The following SYK variants were observed in gnomAD, a reference collection of about 807,000 sequenced individuals.
SYK encodes spleen associated tyrosine kinase.
SYK carries 16 observed loss-of-function variants against 77.8 expected under a neutral mutation model. The observed-to-expected ratio is 0.21, with a 90% CI of 0.14 to 0.31. SYK has a LOEUF of 0.31. SYK is among the 10% of genes least tolerant of loss of function. SYK has a pLI of 1.00. For missense variants in SYK, 529 were observed against 814.4 expected, an observed-to-expected ratio of 0.65 and a Z score of 4.26; for synonymous variants, 312 against 308.7, an observed-to-expected ratio of 1.01 and a Z score of -0.11.
At chr9:90,813,800 A>G (rs1203734021) in intron 1 of SYK, among the ~76,000 whole-genome samples, 1 of 152,204 alleles carries the variant, frequency 6.6e-6, no homozygotes, top group Non-Finnish European at 1.5e-5. Context: ...GCCCAACAGT[A>G]TCATAAGCAA....
At chr9:90,885,745 TAAAGTC>T (rs2118956171) in intron 11 of SYK, among the ~76,000 whole-genome samples, 1 of 152,220 alleles carries the variant, frequency 6.6e-6, no homozygotes, top group African/African-American at 2.4e-5. Context: ...TCAAACCACT[TAAAGTC>T]AAAGCAAAAG....
intron 1 of SYK, among the ~76,000 whole-genome samples, chr9:90,834,604 A>G (rs1205686071): frequency 6.6e-6 from 1 of 152,200 alleles, no homozygotes; most frequent in East Asian, 1.9e-4. Flanking sequence ...TAAATAGGGG[A>G]ATATTTGTTC....
At position 90,898,118 on chromosome 9, in the gene SYK, C is replaced by G. The variant is rs201616726; in HGVS notation, c.*2518C>G. On this transcript the variant is annotated 3_prime_UTR_variant, in exon 14 of 14. Transcript: ENST00000375754. ...GTAAGGTGCCTTTTACCTTATGGTC[C>G]TTCTTTAGCAGGTAACAAAGGAGCA... The G allele has an allele frequency of 4.4e-6, 1 of 228,668 alleles. No individual in the cohort carries two copies. The highest frequency in any genetic ancestry group is 8.7e-6 in the Non-Finnish European group (1 of 115,364). 14.2% of individuals were successfully genotyped at this position (228,668 alleles called of 1,614,324 possible).
chr9:90,834,191 C>A (rs1404664919), intron 1 of SYK, among the ~76,000 whole-genome samples: 3 of 152,112 alleles, frequency 2.0e-5, no homozygotes, highest in Admixed American at 2.0e-4. Flanking sequence ...GCCTCATGCA[C>A]ACACATGTGT....
chr9:90,837,388 A>C (rs1484328221), intron 1 of SYK, among the ~76,000 whole-genome samples: 1 of 152,102 alleles, frequency 6.6e-6, no homozygotes. Context: ...TGAGAAGTTA[A>C]CTATGTGCGG....
At chr9:90,811,471 A>G (rs1344279566) in intron 1 of SYK, among the ~76,000 whole-genome samples, 1 of 152,208 alleles carries the variant, frequency 6.6e-6, no homozygotes, top group African/African-American at 2.4e-5. Flanking sequence ...AATAGCAAAA[A>G]AAAATCACTA....
chr9:90,848,288 G>C (rs997314162), intron 3 of SYK, among the ~76,000 whole-genome samples: 5 of 152,186 alleles, frequency 3.3e-5, no homozygotes, highest in Non-Finnish European at 7.3e-5. Flanking sequence ...GAGCTAAAAG[G>C]CTCCAGGGAA....
At chr9:90,814,099 T>TATCAGATATTTCTCA (rs879721930) in intron 1 of SYK, among the ~76,000 whole-genome samples, 2,783 of 152,340 alleles carry the variant, frequency 0.018, 45 homozygotes, top group Non-Finnish European at 0.031. Flanking sequence ...ATTTCTCATA[T>TATCAGATATTTCTCA]TGTAATATAT....
At chr9:90,815,717 G>T (rs1417131762) in intron 1 of SYK, among the ~76,000 whole-genome samples, 1 of 152,244 alleles carries the variant, frequency 6.6e-6, no homozygotes, top group Non-Finnish European at 1.5e-5. Context: ...ATGTTTTCCT[G>T]AATGATGCTT....
rs895120349 is a variant in SYK, at chr9:90,846,218, G to A, written c.578+624G>A. ...GTGGTCAGTCAGTTGTCCAGAGAAG[G>A]TAAAGAACTGTCTTTGGGAGGTGTC... On this transcript the variant is annotated intron_variant, in intron 3 of 13. Coordinates refer to ENST00000375754, the MANE Select transcript of SYK (RefSeq NM_003177.7). 3.9e-5 allele frequency among the ~76,000 whole-genome samples: 6 copies of A among 152,204 alleles called. No homozygotes were observed. In the East Asian group the frequency reaches 5.8e-4, roughly 15 times the overall value.
intron 8 of SYK, 53 bp downstream of exon 8, chr9:90,874,344 T>C: frequency 6.4e-7 from 1 of 1,557,164 alleles, no homozygotes; most frequent in Non-Finnish European, 8.9e-7. Context: ...GCGTGGTCAC[T>C]TGTAAGTTTG....
At chr9:90,816,485 G>T (rs1825296899) in intron 1 of SYK, among the ~76,000 whole-genome samples, 1 of 152,150 alleles carries the variant, frequency 6.6e-6, no homozygotes, top group Non-Finnish European at 1.5e-5. Context: ...CTGGCTCGTT[G>T]TGTTTCCAAG....
chr9:90,818,037 T>G (rs925983934), intron 1 of SYK, among the ~76,000 whole-genome samples: 1 of 152,214 alleles, frequency 6.6e-6, no homozygotes, highest in African/African-American at 2.4e-5. Context: ...ATCCTTCCAC[T>G]CTGCAGGCCT....
intron 13 of SYK, among the ~76,000 whole-genome samples, chr9:90,891,857 G>A (rs753565548): frequency 2.9e-4 from 44 of 152,154 alleles, no homozygotes; most frequent in Non-Finnish European, 5.7e-4. Context: ...CCTCACTGCA[G>A]GCATTGTCAT....
At chr9:90,811,003 A>G (rs1175818224) in intron 1 of SYK, among the ~76,000 whole-genome samples, 2 of 152,230 alleles carry the variant, frequency 1.3e-5, no homozygotes, top group Non-Finnish European at 1.5e-5. Flanking sequence ...ATATCAAAAT[A>G]AATTCCAAGC....
At chr9:90,892,427 G>A (rs1462981872) in intron 13 of SYK, among the ~76,000 whole-genome samples, 1 of 152,166 alleles carries the variant, frequency 6.6e-6, no homozygotes, top group Non-Finnish European at 1.5e-5. Context: ...GAAGAGACAG[G>A]TCAGTTAGTC....
At position 90,844,245 on chromosome 9, in the gene SYK, A is replaced by G; in HGVS notation, c.347A>G (p.Lys116Arg). The G allele has an allele frequency of 6.2e-7, 1 of 1,614,102 alleles. No individual in the cohort carries two copies. The highest frequency in any genetic ancestry group is 8.5e-7 in the Non-Finnish European group (1 of 1,179,992). The change falls in exon 2 of 14, where the codon AAG becomes AGG. Residue 116 changes from lysine (K) to arginine (R), a missense_variant. Coordinates refer to ENST00000375754, the MANE Select transcript of SYK (RefSeq NM_003177.7). ...PFNRPQGVQP[K>R]TGPFEDLKEN... ...AACCGGCCCCAAGGGGTGCAGCCCAAGACTGGGCCCTTTGAGGATTTGAAG... is the reference window on the plus strand; with the variant it reads ...AACCGGCCCCAAGGGGTGCAGCCCAGGACTGGGCCCTTTGAGGATTTGAAG...
chr9:90,865,113 A>T lies in SYK; in HGVS notation c.846+16A>T, dbSNP rs1024649003. The T allele has an allele frequency of 6.2e-7, 1 of 1,611,764 alleles. No individual in the cohort carries two copies. Among genetic ancestry groups the T allele is most frequent in the South Asian group, 1.1e-5 (1 of 91,032 alleles). On this transcript the variant is annotated intron_variant, in intron 6 of 13. Coordinates refer to ENST00000375754, the MANE Select transcript of SYK (RefSeq NM_003177.7). ...CCATCCTGCGGTAAGTGTCACTAGG[A>T]ATACCACTGAATGAGAAGCTGTTGC...
intron 9 of SYK, among the ~76,000 whole-genome samples, chr9:90,875,931 C>T (rs1458184314): frequency 1.3e-5 from 2 of 151,740 alleles, no homozygotes; most frequent in East Asian, 1.9e-4. Context: ...AAAAAAAATT[C>T]GTGAGTAGGT....
Sources: gnomAD v4.1 joint callset for allele counts (sites outside exome capture counted in the v4.1 genomes callset) on GRCh38, gnomAD v4.1.1 for gene constraint, MANE v1.5 for transcripts, NCBI Gene and HGNC (gene_info 2026-07-23, HGNC 2026-07-21) for gene names.